The following PYGO1 variants were observed in gnomAD, a reference collection of about 807,000 sequenced individuals.
PYGO1 encodes the protein pygopus family PHD finger 1, also known as pygopus homolog 1.
In PYGO1, 6 loss-of-function variants were observed where a neutral mutation model predicts 29.5. The ratio of observed to expected loss-of-function variants is 0.20; its 90% CI spans 0.11 to 0.40. PYGO1 has a LOEUF of 0.40. Among genes scored for constraint, PYGO1 ranks in the 10% least tolerant of loss-of-function variants. PYGO1 has a pLI of 1.00. For missense variants in PYGO1, 515 were observed against 514.9 expected (o/e 1.00, Z 0.00); for synonymous variants, 186 against 180.5 (o/e 1.03, Z -0.24).
chr15:55,546,351 C>G lies in PYGO1; in HGVS notation c.932G>C (p.Arg311Thr), dbSNP rs766740459. The G allele has an allele frequency of 1.2e-6, 2 of 1,614,168 alleles. No homozygotes were observed. Among genetic ancestry groups the G allele is most frequent in the South Asian group, 2.2e-5 (2 of 91,070 alleles). ...NGTQNKPRQP[R>T]GAADACTTEK... ...TGTGGTGCAGGCATCTGCTGCACCT[C>G]TTGGTTGTCGTGGCTTATTCTGCGT... Residue 311 changes from arginine (R) to threonine (T), a missense_variant, in exon 3 of 3, where the codon AGA (arginine) becomes ACA (threonine). Arg to Thr is a moderately conservative substitution (Grantham distance 71, BLOSUM62 -1). Coordinates refer to ENST00000563719, the MANE Select transcript of PYGO1 (RefSeq NM_001367806.1).
In PYGO1 at chr15:55,588,134, G is replaced by T; in HGVS notation, c.-251C>A. ...GCTCAGCGGCGGTGGCCGGGAGCGC[G>T]GCCTGGGGGCGGCCCCCCACCCGGG... On this transcript the variant is annotated 5_prime_UTR_variant, in exon 1 of 3. Coordinates refer to ENST00000563719, the MANE Select transcript of PYGO1 (RefSeq NM_001367806.1). 1 of 801,998 alleles carries T rather than the reference G, an allele frequency of 1.2e-6. No individual in the cohort carries two copies. The highest frequency in any genetic ancestry group is 1.5e-6 in the Non-Finnish European group (1 of 664,684). 49.7% of individuals were successfully genotyped at this position (801,998 alleles called of 1,614,324 possible). A position where few individuals can be genotyped will look rare whatever the true frequency, so the allele number is the denominator to read the frequency against.
rs58177433 is a variant in PYGO1, at chr15:55,568,320, C to CTGTGTGTGTGTGTGTGTGTG, written c.50-19345_50-19326dup. 2.5e-3 allele frequency among the ~76,000 whole-genome samples: 310 copies of CTGTGTGTGTGTGTGTGTGTG among 125,904 alleles called. 12 individuals carry two copies. Among genetic ancestry groups the CTGTGTGTGTGTGTGTGTGTG allele is most frequent in the African/African-American group, 7.6e-3 (239 of 31,382 alleles). The allele number at this position is 125,904 out of a possible 152,430, so 82.6% of individuals were successfully genotyped here. A position where few individuals can be genotyped will look rare whatever the true frequency, so the allele number is the denominator to read the frequency against. On this transcript the variant is annotated intron_variant, in intron 1 of 2. Transcript: ENST00000563719. ...ATGGTTAAGACGTATTTCCTAGGTA[C>CTGTGTGTGTGTGTGTGTGTG]TGTGTGTGTGTGTGTGTGTGTGTGT...
upstream of PYGO1, chr15:55,588,677 C>T: frequency 5.0e-6 from 5 of 1,009,312 alleles, no homozygotes; most frequent in South Asian, 3.4e-5. Flanking sequence ...GGCCCGAGAA[C>T]GCCCGACCCC....
chr15:55,558,000 C>A lies in PYGO1; in HGVS notation c.50-9005G>T, dbSNP rs577535831. Among the ~76,000 whole-genome samples the A allele has an allele frequency of 2.4e-3, 368 of 152,120 alleles. 1 individual carries two copies. The highest frequency in any genetic ancestry group is 8.4e-3 in the African/African-American group (350 of 41,466). ...ATAGTGTTGGAAGTTCTGGCCAGGG[C>A]AATCAGGCAGTAGAAAGAAATAAAG... On this transcript the variant is annotated intron_variant, in intron 1 of 2. Coordinates refer to ENST00000563719, the MANE Select transcript of PYGO1 (RefSeq NM_001367806.1).
intron 1 of PYGO1, among the ~76,000 whole-genome samples, chr15:55,553,000 T>G (rs965263271): frequency 2.0e-5 from 3 of 152,174 alleles, no homozygotes; most frequent in African/African-American, 7.2e-5. Context: ...CAGAGCAAGT[T>G]CCTGGGGGAG....
At chr15:55,549,604 T>C (rs2058869879) in intron 1 of PYGO1, among the ~76,000 whole-genome samples, 1 of 152,220 alleles carries the variant, frequency 6.6e-6, no homozygotes, top group Non-Finnish European at 1.5e-5. Context: ...TAGAGAGATT[T>C]ACAAGTAGCT....
chr15:55,582,596 AC>A (rs1389069919), intron 1 of PYGO1, among the ~76,000 whole-genome samples: 2 of 151,720 alleles, frequency 1.3e-5, no homozygotes, highest in African/African-American at 4.8e-5. Context: ...GAGCTCATAC[AC>A]TCCCAAGGCA....
chr15:55,554,304 A>C (rs962081477), intron 1 of PYGO1, among the ~76,000 whole-genome samples: 4 of 151,934 alleles, frequency 2.6e-5, no homozygotes, highest in African/African-American at 9.7e-5. Context: ...CTCTACTAAA[A>C]ATATATTTAA....
chr15:55,547,036 G>C lies in PYGO1; in HGVS notation c.247C>G (p.Pro83Ala). Residue 83 changes from proline (P) to alanine (A), a missense_variant, in exon 3 of 3, where the codon CCA becomes GCA. Physicochemically the swap from Pro to Ala is conservative, Grantham distance 27. Coordinates refer to ENST00000563719, the MANE Select transcript of PYGO1 (RefSeq NM_001367806.1). ...AGATATGGATTTGACGAAGGTAGTG[G>C]TTTATAGGAAATAGTATTATAGTTG... is the stretch of plus-strand genomic sequence containing the variant. ...DDNYNTISYK[P>A]LPSSNPYLGP... 6.2e-7 allele frequency: 1 copy of C among 1,613,872 alleles called. No homozygotes were observed. The highest frequency in any genetic ancestry group is 8.5e-7 in the Non-Finnish European group (1 of 1,179,802).
intron 1 of PYGO1, among the ~76,000 whole-genome samples, chr15:55,574,500 T>C (rs1567058625): frequency 6.6e-6 from 1 of 152,224 alleles, no homozygotes; most frequent in Non-Finnish European, 1.5e-5. Context: ...TGTCTACATA[T>C]ATTTTATGCA....
chr15:55,566,151 T>C (rs775122758), intron 1 of PYGO1, among the ~76,000 whole-genome samples: 2 of 152,170 alleles, frequency 1.3e-5, no homozygotes, highest in Non-Finnish European at 2.9e-5. Context: ...TATTGTATGA[T>C]GCTGAGGTTT....
intron 1 of PYGO1, among the ~76,000 whole-genome samples, chr15:55,565,356 C>T (rs2058950697): frequency 6.6e-6 from 1 of 151,976 alleles, no homozygotes; most frequent in Non-Finnish European, 1.5e-5. Flanking sequence ...CATCTGTTTT[C>T]ATTTATCTCA....
intron 1 of PYGO1, among the ~76,000 whole-genome samples, chr15:55,562,401 G>A (rs753851152): frequency 2.6e-5 from 4 of 152,200 alleles, no homozygotes; most frequent in Non-Finnish European, 4.4e-5. Context: ...GCTGAGCGTG[G>A]TGGCTCATGC....
chr15:55,568,320 C>CTGTGTGTGTG (rs58177433), intron 1 of PYGO1, among the ~76,000 whole-genome samples: 4,756 of 125,796 alleles, frequency 0.038, 214 homozygotes, highest in African/African-American at 0.072. Flanking sequence ...TTCCTAGGTA[C>CTGTGTGTGTG]TGTGTGTGTG....
chr15:55,549,307 C>A (rs1208368105), intron 1 of PYGO1, among the ~76,000 whole-genome samples: 1 of 152,034 alleles, frequency 6.6e-6, no homozygotes, highest in Admixed American at 6.5e-5. Context: ...GCCTACCTTT[C>A]CAAAGATAAT....
intron 1 of PYGO1, among the ~76,000 whole-genome samples, chr15:55,572,010 T>A (rs1362651557): frequency 6.6e-6 from 1 of 152,120 alleles, no homozygotes; most frequent in African/African-American, 2.4e-5. Flanking sequence ...AGTTTTTATC[T>A]ACAGATTCAA....
chr15:55,569,644 C>T (rs571977826), intron 1 of PYGO1, among the ~76,000 whole-genome samples: 6 of 152,242 alleles, frequency 3.9e-5, no homozygotes, highest in Admixed American at 2.6e-4. Flanking sequence ...TTTATTCCAC[C>T]GTGGTCCAAA....
intron 1 of PYGO1, among the ~76,000 whole-genome samples, chr15:55,569,328 G>GTTTGCT (rs1567057174): frequency 6.6e-6 from 1 of 151,572 alleles, no homozygotes; most frequent in Non-Finnish European, 1.5e-5. Context: ...TGCTAGCCTT[G>GTTTGCT]AGATTAGTTT....
chr15:55,561,041 C>T (rs1164441391), intron 1 of PYGO1, among the ~76,000 whole-genome samples: 1 of 152,040 alleles, frequency 6.6e-6, no homozygotes, highest in Non-Finnish European at 1.5e-5. Flanking sequence ...CAATCCCAAG[C>T]AAAAAGAACA....
Sources: allele counts gnomAD v4.1 joint callset (sites outside exome capture counted in the v4.1 genomes callset), GRCh38; gene constraint gnomAD v4.1.1; transcripts MANE v1.5; gene names NCBI Gene and HGNC (gene_info 2026-07-23, HGNC 2026-07-21).